Variants in ANO2 observed in about 807,000 individuals in gnomAD.
ANO2 encodes the protein anoctamin 2.
In ANO2, 101 loss-of-function variants were observed where a neutral mutation model predicts 124.2. That is an observed-to-expected ratio of 0.81 (90% CI 0.69 to 0.96). The LOEUF is 0.96. Among genes scored for constraint, ANO2 ranks in the 40% least tolerant of loss-of-function variants. The pLI, the probability that ANO2 is intolerant of heterozygous loss-of-function variation, is 0.00. For synonymous variants in ANO2, 486 were observed against 482.5 expected, an observed-to-expected ratio of 1.01 and a Z score of -0.09; for missense variants, 1,293 against 1,274.5, an observed-to-expected ratio of 1.01 and a Z score of -0.22.
At chr12:5,874,595 G>T (rs952241278) in intron 3 of ANO2, among the ~76,000 whole-genome samples, 2 of 152,054 alleles carry the variant, frequency 1.3e-5, no homozygotes, top group Non-Finnish European at 2.9e-5. Flanking sequence ...TGCACCTCTG[G>T]GCTCTCAGCT....
At chr12:5,869,193 A>C (rs1955507858) in intron 3 of ANO2, among the ~76,000 whole-genome samples, 1 of 152,124 alleles carries the variant, frequency 6.6e-6, no homozygotes, top group African/African-American at 2.4e-5. Context: ...GCTCGCTTCC[A>C]AAGTCCATCC....
chr12:5,784,539 G>A (rs1952489406), intron 10 of ANO2, among the ~76,000 whole-genome samples: 1 of 152,178 alleles, frequency 6.6e-6, no homozygotes, highest in Non-Finnish European at 1.5e-5. Flanking sequence ...GCCAAGCCAG[G>A]CAAACTTAAG....
At chr12:5,568,340 A>C (rs1364175354) in intron 23 of ANO2, among the ~76,000 whole-genome samples, 1 of 151,674 alleles carries the variant, frequency 6.6e-6, no homozygotes, top group Non-Finnish European at 1.5e-5. Flanking sequence ...ACGTGGTTTC[A>C]CTGTGTTAGC....
At chr12:5,662,173 G>A (rs1207367632) in intron 14 of ANO2, among the ~76,000 whole-genome samples, 3 of 152,274 alleles carry the variant, frequency 2.0e-5, no homozygotes, top group African/African-American at 7.2e-5. Context: ...CGCCAGGCCT[G>A]CAGCCAAAGC....
At chr12:5,640,646 A>C (rs1343067324) in intron 15 of ANO2, among the ~76,000 whole-genome samples, 1 of 152,262 alleles carries the variant, frequency 6.6e-6, no homozygotes, top group African/African-American at 2.4e-5. Flanking sequence ...ACTGGTCATC[A>C]GAGAAATGCA....
At chr12:5,730,161 A>G (rs925915014) in intron 14 of ANO2, among the ~76,000 whole-genome samples, 3 of 152,186 alleles carry the variant, frequency 2.0e-5, no homozygotes, top group Non-Finnish European at 2.9e-5. Flanking sequence ...CATATATAAA[A>G]ATATGCATAT....
At chr12:5,710,067 T>C (rs1405715482) in intron 14 of ANO2, among the ~76,000 whole-genome samples, 2 of 152,190 alleles carry the variant, frequency 1.3e-5, no homozygotes, top group Non-Finnish European at 2.9e-5. Context: ...AGAAAAGTGT[T>C]AAGAAGTGAC....
chr12:5,920,735 C>A (rs1223120603), intron 3 of ANO2, among the ~76,000 whole-genome samples: 1 of 152,004 alleles, frequency 6.6e-6, no homozygotes, highest in African/African-American at 2.4e-5. Flanking sequence ...GGTCTGGTGG[C>A]GGGCGCCTAT....
chr12:5,822,240 G>A (rs1953824369), intron 7 of ANO2, among the ~76,000 whole-genome samples: 1 of 152,224 alleles, frequency 6.6e-6, no homozygotes, highest in Admixed American at 6.5e-5. Flanking sequence ...GATGGTCAGG[G>A]ACTTGGAAGA....
At chr12:5,911,177 G>C (rs369060283) in intron 3 of ANO2, among the ~76,000 whole-genome samples, 18 of 152,128 alleles carry the variant, frequency 1.2e-4, no homozygotes, top group African/African-American at 4.1e-4. Flanking sequence ...TGCTTCCCTT[G>C]AAAGCAGGGG....
intron 7 of ANO2, among the ~76,000 whole-genome samples, chr12:5,827,242 A>G (rs1373868908): frequency 1.3e-5 from 2 of 152,108 alleles, no homozygotes. Flanking sequence ...GAAACAAACC[A>G]CAGGGCAAAC....
At chr12:5,631,203 C>T (rs1013050580) in intron 16 of ANO2, among the ~76,000 whole-genome samples, 1 of 152,164 alleles carries the variant, frequency 6.6e-6, no homozygotes, top group African/African-American at 2.4e-5. Context: ...TCAGACAGTA[C>T]CTGATCAGCA....
intron 3 of ANO2, among the ~76,000 whole-genome samples, chr12:5,879,833 T>C (rs540559074): frequency 1.1e-4 from 17 of 152,218 alleles, no homozygotes; most frequent in Middle Eastern, 3.4e-3. Flanking sequence ...TGGGACAACA[T>C]GCTTAAGAAG....
chr12:5,904,235 T>C lies in ANO2; in HGVS notation c.534+16805A>G, dbSNP rs1940520917. On this transcript the variant is annotated intron_variant, in intron 3 of 24. Transcript: ENST00000682330. The surrounding 1 kb of genome is among the most constrained non-coding windows in gnomAD (Gnocchi z 4.1). ...AAGGGGGGACTCCCATCTGGGACCA[T>C]GGTCCTTGAAAAAGGAAAGAGCCAA... Among the ~76,000 whole-genome samples the C allele has an allele frequency of 6.6e-6, 1 of 152,202 alleles. No homozygotes were observed. Among genetic ancestry groups the C allele is most frequent in the Non-Finnish European group, 1.5e-5 (1 of 68,030 alleles).
chr12:5,706,373 C>A (rs959216710), intron 14 of ANO2, among the ~76,000 whole-genome samples: 2 of 152,144 alleles, frequency 1.3e-5, no homozygotes, highest in Admixed American at 1.3e-4. Context: ...CTTTCCCATC[C>A]TGTCACACTG....
At chr12:5,598,749 A>T (rs1362174079) in intron 20 of ANO2, among the ~76,000 whole-genome samples, 1 of 152,228 alleles carries the variant, frequency 6.6e-6, no homozygotes, top group Admixed American at 6.5e-5. Context: ...TCCCAATAGA[A>T]GATCAGGATT....
chr12:5,863,875 C>T lies in ANO2; in HGVS notation c.535-9734G>A, dbSNP rs73257215. On this transcript the variant is annotated intron_variant, in intron 3 of 24. Coordinates refer to ENST00000682330, the MANE Select transcript of ANO2 (RefSeq NM_001364791.2). ...TTTACTTAACAATATGTTATATATT[C>T]GTTAGCTTTTAATTAATAATAAATA... Among the ~76,000 whole-genome samples, 1,135 of 151,868 alleles carry T rather than the reference C, an allele frequency of 7.5e-3. 15 individuals are homozygous for T. The highest frequency in any genetic ancestry group is 0.023 in the African/African-American group (956 of 41,392).
chr12:5,885,920 G>C (rs1373952562), intron 3 of ANO2, among the ~76,000 whole-genome samples: 1 of 152,176 alleles, frequency 6.6e-6, no homozygotes, highest in Non-Finnish European at 1.5e-5. Context: ...TCTTCCTGGA[G>C]ATCTGCACCA....
intron 16 of ANO2, among the ~76,000 whole-genome samples, chr12:5,623,836 GC>G (rs1441753798): frequency 6.6e-6 from 1 of 152,244 alleles, no homozygotes; most frequent in Admixed American, 6.5e-5. Context: ...AGCAATGTTT[GC>G]TGACAGCACA....
Sources: allele counts gnomAD v4.1 joint callset (sites outside exome capture counted in the v4.1 genomes callset), GRCh38; gene constraint gnomAD v4.1.1; non-coding constraint Gnocchi (gnomAD v3.1); transcripts MANE v1.5; gene names NCBI Gene and HGNC (gene_info 2026-07-23, HGNC 2026-07-21).